The following LRRC49 variants were observed in gnomAD, a reference collection of about 807,000 sequenced individuals.
LRRC49 encodes the protein leucine rich repeat containing 49.
A neutral mutation model predicts 83.3 loss-of-function variants in LRRC49; 50 were observed. The observed-to-expected ratio is 0.60, with a 90% CI of 0.48 to 0.76. The LOEUF (loss-of-function observed/expected upper bound fraction) is 0.76. Ranked by LOEUF, LRRC49 falls within the 30% of genes least tolerant of loss-of-function variation. The pLI is 0.00. For synonymous variants in LRRC49, 286 were observed against 283.3 expected (o/e 1.01, Z -0.10); for missense variants, 704 against 809.1 (o/e 0.87, Z 1.58).
At chr15:71,019,091 G>A (rs917106536) in intron 14 of LRRC49, among the ~76,000 whole-genome samples, 8 of 152,130 alleles carry the variant, frequency 5.3e-5, no homozygotes, top group Admixed American at 1.3e-4. Flanking sequence ...CTATCCAGAA[G>A]TTCTCTGAAT....
chr15:70,917,600 G>A (rs1447613254), intron 6 of LRRC49, among the ~76,000 whole-genome samples: 1 of 152,156 alleles, frequency 6.6e-6, no homozygotes, highest in Non-Finnish European at 1.5e-5. Context: ...GCAAAGAGGG[G>A]CTGCCCTTTC....
intron 8 of LRRC49, among the ~76,000 whole-genome samples, chr15:70,942,469 G>T (rs2035855783): frequency 6.6e-6 from 1 of 152,136 alleles, no homozygotes; most frequent in Non-Finnish European, 1.5e-5. Flanking sequence ...CAAAGTATAA[G>T]TATATTAAAT....
rs762952669 is a variant in LRRC49 at position 70,892,914 on chromosome 15, G to A, written c.20G>A (p.Arg7His). 6.2e-7 allele frequency: 1 copy of A among 1,614,178 alleles called. No individual in the cohort carries two copies. The highest frequency in any genetic ancestry group is 8.5e-7 in the Non-Finnish European group (1 of 1,180,034). The change falls in exon 1 of 16, where the codon CGC becomes CAC. Residue 7 changes from arginine to histidine, a missense_variant. Physicochemically the swap from Arg to His is conservative, Grantham distance 29. Around this residue, in one of 3 missense-constraint regions of LRRC49, gnomAD observed 261 missense variants for 330.5 expected, o/e 0.79. Coordinates refer to ENST00000260382, the MANE Select transcript of LRRC49 (RefSeq NM_017691.5). ...CCTATCATGATTCCCGGGAAATATC[G>A]CTCTGTTTCTGGCCGGGCTGCGAAC... is the stretch of plus-strand genomic sequence containing the variant. The part of the protein sequence containing the change: MIPGKY[R>H]SVSGRAANNV...
At chr15:70,867,512 C>A (rs1023460503) in intron 1 of LRRC49, among the ~76,000 whole-genome samples, 1 of 152,008 alleles carries the variant, frequency 6.6e-6, no homozygotes, top group Non-Finnish European at 1.5e-5. Context: ...CCCAATGATC[C>A]CAGTGAGGTA....
upstream of LRRC49, among the ~76,000 whole-genome samples, chr15:70,891,567 C>CTGTGTGTGTGTGTGTGTGTGTG (rs3220843): frequency 5.1e-5 from 7 of 137,132 alleles, no homozygotes; most frequent in Admixed American, 7.6e-5. Flanking sequence ...GGACAAGACT[C>CTGTGTGTGTGTGTGTGTGTGTG]TGTGTGTGTG....
At chr15:70,867,985 G>A (rs2141073886) in intron 1 of LRRC49, among the ~76,000 whole-genome samples, 1 of 152,222 alleles carries the variant, frequency 6.6e-6, no homozygotes, top group African/African-American at 2.4e-5. Context: ...TCCGTTTCTG[G>A]GTATTAGCTG....
intron 14 of LRRC49, among the ~76,000 whole-genome samples, chr15:71,026,690 A>G (rs1054362478): frequency 3.3e-5 from 5 of 152,244 alleles, no homozygotes; most frequent in Admixed American, 6.5e-5. Flanking sequence ...TCTAATAACC[A>G]GTGATGATGA....
At chr15:70,981,711 T>A (rs2037406231) in intron 10 of LRRC49, among the ~76,000 whole-genome samples, 1 of 152,204 alleles carries the variant, frequency 6.6e-6, no homozygotes, top group South Asian at 2.1e-4. Flanking sequence ...AACTGGAATT[T>A]GGCACCTTCT....
chr15:70,973,059 T>C (rs887360361), intron 9 of LRRC49, among the ~76,000 whole-genome samples: 1 of 152,112 alleles, frequency 6.6e-6, no homozygotes, highest in East Asian at 1.9e-4. Context: ...TTTGGAGAAG[T>C]GGCATTCTGG....
At chr15:70,969,735 T>C (rs1268388984) in intron 9 of LRRC49, among the ~76,000 whole-genome samples, 1 of 152,176 alleles carries the variant, frequency 6.6e-6, no homozygotes, top group Non-Finnish European at 1.5e-5. Context: ...TTTCTTCTGT[T>C]TGTAGCAATT....
Position 71,051,562 on chromosome 15 carries a change from A to G in LRRC49, c.*1950A>G, listed in dbSNP as rs1229552490. On this transcript the variant is annotated 3_prime_UTR_variant, in exon 16 of 16. Transcript: ENST00000260382. Reference sequence around the variant, plus strand: ...GTCTGTGGGATTCTGGCAGATTGGAAAGATGTAAGAACTTGTGACTCTTTG... The same window carrying G: ...GTCTGTGGGATTCTGGCAGATTGGAGAGATGTAAGAACTTGTGACTCTTTG... 6.6e-6 allele frequency: 1 copy of G among 152,262 alleles called. No homozygotes were observed. Among genetic ancestry groups the G allele is most frequent in the South Asian group, 2.1e-4 (1 of 4,832 alleles). The allele number at this position is 152,262 out of a possible 1,614,324, so 9.4% of individuals were successfully genotyped here.
At chr15:70,876,170 A>G (rs1486334336) in intron 2 of LRRC49, among the ~76,000 whole-genome samples, 1 of 152,208 alleles carries the variant, frequency 6.6e-6, no homozygotes, top group Non-Finnish European at 1.5e-5. Flanking sequence ...GATCACTTTC[A>G]TGTAAATGCC....
At chr15:70,892,251 C>A (rs760840980), upstream of LRRC49, 4 of 1,579,112 alleles carry the variant, frequency 2.5e-6, no homozygotes, top group Admixed American at 1.8e-5. Flanking sequence ...CCGCAGTGGG[C>A]GGCCACACAA....
chr15:71,036,754 A>G (rs2039532158), intron 14 of LRRC49, among the ~76,000 whole-genome samples: 1 of 152,186 alleles, frequency 6.6e-6, no homozygotes, highest in Admixed American at 6.5e-5. Context: ...TCTAGCTATC[A>G]GTAATATTGC....
At chr15:70,858,519 G>T (rs955073445) in intron 1 of LRRC49, among the ~76,000 whole-genome samples, 6 of 152,180 alleles carry the variant, frequency 3.9e-5, no homozygotes, top group Non-Finnish European at 2.9e-5. Context: ...CAGGAAAATC[G>T]CTTGAACCCG....
At chr15:71,029,156 C>T (rs1353229149) in intron 14 of LRRC49, among the ~76,000 whole-genome samples, 1 of 152,130 alleles carries the variant, frequency 6.6e-6, no homozygotes, top group Non-Finnish European at 1.5e-5. Context: ...TATTTGTTCT[C>T]ATTGGTTTTA....
chr15:71,052,200 A>C lies in LRRC49; in HGVS notation c.*2588A>C, dbSNP rs1259538703. ...CTTCTTGGAATTTTCCAGGGTTTTCAGGGAAGGGGAAGAGATGCAAATCCC... is the reference window on the plus strand; with the variant it reads ...CTTCTTGGAATTTTCCAGGGTTTTCCGGGAAGGGGAAGAGATGCAAATCCC... On this transcript the variant is annotated 3_prime_UTR_variant, in exon 16 of 16. Transcript: ENST00000260382. 1 of 152,170 alleles carries C rather than the reference A, an allele frequency of 6.6e-6. No homozygotes were observed. The highest frequency in any genetic ancestry group is 1.9e-4 in the East Asian group (1 of 5,196). The allele number at this position is 152,170 out of a possible 1,614,324, so 9.4% of individuals were successfully genotyped here. A position where few individuals can be genotyped will look rare whatever the true frequency, so the allele number is the denominator to read the frequency against.
chr15:70,894,773 G>A, intron 2 of LRRC49: 1 of 300,672 alleles, frequency 3.3e-6, no homozygotes, highest in Non-Finnish European at 6.0e-6. Flanking sequence ...AAGGCATGAG[G>A]AAGGTAAATG....
chr15:70,908,056 T>A, intron 5 of LRRC49: 1 of 455,762 alleles, frequency 2.2e-6, no homozygotes. Context: ...AGGCAACTCA[T>A]GAGAACAAGA....
Sources: allele counts gnomAD v4.1 joint callset (sites outside exome capture counted in the v4.1 genomes callset), GRCh38; gene constraint gnomAD v4.1.1; regional missense constraint gnomAD v4.1.1; transcripts MANE v1.5; gene names NCBI Gene and HGNC (gene_info 2026-07-23, HGNC 2026-07-21).